Variants in RSPRY1 observed in about 807,000 individuals in gnomAD.
RSPRY1 encodes ring finger and SPRY domain containing 1, also known as RING finger and SPRY domain-containing protein 1.
RSPRY1 carries 23 observed loss-of-function variants against 73.1 expected under a neutral mutation model. The ratio of observed to expected loss-of-function variants is 0.31; its 90% CI spans 0.23 to 0.45. The LOEUF (loss-of-function observed/expected upper bound fraction) is 0.45, where lower values mean the gene tolerates loss of function less well. RSPRY1 is among the 20% of genes least tolerant of loss of function. RSPRY1 has a pLI of 1.00. For synonymous variants in RSPRY1, 226 were observed against 251.4 expected (o/e 0.90, Z 0.95); for missense variants, 448 against 698.7 (o/e 0.64, Z 4.05).
intron 14 of RSPRY1, among the ~76,000 whole-genome samples, chr16:57,237,693 ATTTATTTATTTATT>A (rs1377771640): frequency 2.0e-5 from 3 of 150,934 alleles, no homozygotes; most frequent in African/African-American, 7.3e-5. Flanking sequence ...TTTTATTTTT[ATTTATTTATTTATT>A]TTTATTTATT....
At chr16:57,188,578 G>T (rs546871901) in intron 1 of RSPRY1, among the ~76,000 whole-genome samples, 1 of 152,214 alleles carries the variant, frequency 6.6e-6, no homozygotes, top group East Asian at 1.9e-4. Context: ...GTGCAGTGGC[G>T]CTATCTCGGC....
chr16:57,227,554 C>T (rs2075138665), intron 11 of RSPRY1, 101 bp downstream of exon 11: 1 of 803,634 alleles, frequency 1.2e-6, no homozygotes, highest in Admixed American at 2.0e-5. Context: ...AGGAGAAGAT[C>T]AAATGTGAAA....
chr16:57,210,855 A>G (rs559658470), intron 4 of RSPRY1, among the ~76,000 whole-genome samples: 19 of 151,982 alleles, frequency 1.3e-4, no homozygotes, highest in African/African-American at 4.1e-4. Flanking sequence ...TGTTTCTACA[A>G]AAAAATCCAA....
chr16:57,231,092 G>A, intron 12 of RSPRY1, 75 bp from the exon 13 acceptor site: 3 of 1,433,884 alleles, frequency 2.1e-6, no homozygotes, highest in East Asian at 4.6e-5. Flanking sequence ...CTGCCTTTCT[G>A]AAAACTGTTC....
intron 13 of RSPRY1, among the ~76,000 whole-genome samples, chr16:57,233,655 C>T (rs944118514): frequency 5.9e-5 from 9 of 152,222 alleles, no homozygotes; most frequent in African/African-American, 2.2e-4. Flanking sequence ...CAGGCGTGAG[C>T]CACTGTGCCT....
intron 2 of RSPRY1, 128 bp from the exon 3 acceptor site, chr16:57,207,930 A>C (rs543230011): frequency 1.5e-6 from 1 of 669,856 alleles, no homozygotes; most frequent in South Asian, 1.7e-5. Flanking sequence ...TGTCTCTTCT[A>C]TCTCTTTCCT....
At chr16:57,234,540 C>T (rs192398499) in intron 13 of RSPRY1, among the ~76,000 whole-genome samples, 6 of 152,280 alleles carry the variant, frequency 3.9e-5, no homozygotes, top group African/African-American at 7.2e-5. Context: ...ACAGTAAGCC[C>T]GTAAGTGAAC....
At chr16:57,191,649 T>G (rs1332252636) in intron 1 of RSPRY1, among the ~76,000 whole-genome samples, 2 of 152,238 alleles carry the variant, frequency 1.3e-5, no homozygotes, top group African/African-American at 2.4e-5. Context: ...CAATTTAATT[T>G]ATAGGTTTTT....
intron 4 of RSPRY1, 81 bp downstream of exon 4, chr16:57,209,268 T>C: frequency 1.1e-6 from 1 of 907,896 alleles, no homozygotes; most frequent in Non-Finnish European, 1.8e-6. Context: ...ATTTGATGTA[T>C]TGTGTTTCAT....
At chr16:57,200,434 C>T (rs1389115852) in intron 1 of RSPRY1, among the ~76,000 whole-genome samples, 3 of 152,054 alleles carry the variant, frequency 2.0e-5, no homozygotes, top group Non-Finnish European at 2.9e-5. Context: ...ATCTCCCAGA[C>T]GGGGTGGTGG....
At chr16:57,216,001 G>GA in intron 6 of RSPRY1, 106 bp from the exon 7 acceptor site, 1 of 844,274 alleles carries the variant, frequency 1.2e-6, no homozygotes, top group South Asian at 1.6e-5. Flanking sequence ...CTGACCACTC[G>GA]AAAAAACATC....
chr16:57,189,682 C>T (rs2074320010), intron 1 of RSPRY1, among the ~76,000 whole-genome samples: 1 of 148,310 alleles, frequency 6.7e-6, no homozygotes, highest in Non-Finnish European at 1.5e-5. Flanking sequence ...GCCTCTACCT[C>T]CCAGGCTCAG....
chr16:57,190,004 C>T (rs899007916), intron 1 of RSPRY1, among the ~76,000 whole-genome samples: 2 of 152,176 alleles, frequency 1.3e-5, no homozygotes, highest in Non-Finnish European at 2.9e-5. Flanking sequence ...AGCTTTCTTT[C>T]ACACTCTATA....
At chr16:57,212,872 C>T in intron 4 of RSPRY1, 100 bp from the exon 5 acceptor site, 1 of 1,330,400 alleles carries the variant, frequency 7.5e-7, no homozygotes. Flanking sequence ...CTCGGCCTCC[C>T]AAAGTGCTGG....
chr16:57,216,969 G>A lies in RSPRY1; in HGVS notation c.835G>A (p.Ala279Thr). ...SDRLVTLESW[A>T]NDPDYLKRQV... ...CCGGCTTGTCACATTGGAGTCCTGG[G>A]CTAATGATCCTGATTATCTGAAACG... Residue 279 changes from alanine to threonine, a missense_variant, in exon 8 of 15, where the codon GCT (alanine) becomes ACT (threonine). Transcript: ENST00000394420. The A allele has an allele frequency of 1.2e-6, 2 of 1,613,936 alleles. No homozygotes were observed. Among genetic ancestry groups the A allele is most frequent in the African/African-American group, 1.3e-5 (1 of 75,032 alleles).
At chr16:57,194,268 TA>T (rs1198778238) in intron 1 of RSPRY1, among the ~76,000 whole-genome samples, 1 of 152,270 alleles carries the variant, frequency 6.6e-6, no homozygotes, top group East Asian at 1.9e-4. Flanking sequence ...GCAAGTTTAG[TA>T]AAATGTTAGT....
intron 8 of RSPRY1, among the ~76,000 whole-genome samples, chr16:57,218,880 C>T (rs1367214768): frequency 2.9e-5 from 4 of 139,846 alleles, no homozygotes; most frequent in Admixed American, 1.4e-4. Context: ...GGACTACAGG[C>T]GCCCGCCACT....
At chr16:57,201,707 G>A (rs1427955942) in intron 1 of RSPRY1, among the ~76,000 whole-genome samples, 11 of 152,226 alleles carry the variant, frequency 7.2e-5, no homozygotes, top group Non-Finnish European at 4.4e-5. Context: ...CTGCCATCCC[G>A]GCACCTCGGG....
Position 57,186,358 on chromosome 16 carries a change from C to T in RSPRY1, c.-249C>T, listed in dbSNP as rs781064049. The T allele has an allele frequency of 2.8e-5, 5 of 176,510 alleles. No homozygotes were observed. The highest frequency in any genetic ancestry group is 4.5e-5 in the Non-Finnish European group (4 of 89,286). The allele number at this position is 176,510 out of a possible 1,614,324, so 10.9% of individuals were successfully genotyped here. Reference sequence around the variant, plus strand: ...GCGCGTAATGGCAGCGCCGTGGCCTCGCGTCCATCTTTGCCGTTCTCTCGG... The same window carrying T: ...GCGCGTAATGGCAGCGCCGTGGCCTTGCGTCCATCTTTGCCGTTCTCTCGG... On this transcript the variant is annotated 5_prime_UTR_variant, in exon 1 of 15. Coordinates refer to ENST00000394420, the MANE Select transcript of RSPRY1 (RefSeq NM_133368.3).
Sources: allele counts gnomAD v4.1 joint callset (sites outside exome capture counted in the v4.1 genomes callset), GRCh38; gene constraint gnomAD v4.1.1; transcripts MANE v1.5; gene names NCBI Gene and HGNC (gene_info 2026-07-23, HGNC 2026-07-21).